AQP4: variants seen among roughly 807,000 people sequenced by gnomAD.
AQP4 encodes the protein aquaporin-4.
In AQP4, 18 loss-of-function variants were observed where a neutral mutation model predicts 27.8. That is an observed-to-expected ratio of 0.65 (90% CI 0.45 to 0.96). The LOEUF is 0.96. Among genes scored for constraint, AQP4 ranks in the 40% least tolerant of loss-of-function variants. The probability of loss-of-function intolerance (pLI) is 0.00; values close to 1 mark genes in which losing one functional copy is unlikely to be tolerated. For synonymous variants in AQP4, 141 were observed against 142.9 expected (o/e 0.99, Z 0.10); for missense variants, 412 against 408.2 (o/e 1.01, Z -0.08).
intron 4 of AQP4, among the ~76,000 whole-genome samples, chr18:26,858,569 G>T (rs180977188): frequency 1.3e-5 from 2 of 152,306 alleles, no homozygotes; most frequent in African/African-American, 4.8e-5. Flanking sequence ...ACCCATATGA[G>T]CCTTTATCTT....
At chr18:26,858,858 T>C (rs1436738394) in intron 4 of AQP4, among the ~76,000 whole-genome samples, 2 of 152,160 alleles carry the variant, frequency 1.3e-5, no homozygotes, top group African/African-American at 4.8e-5. Flanking sequence ...ATCTAGAAAA[T>C]GTGTAAAAGT....
At position 26,860,855 on chromosome 18, in the gene AQP4, A is replaced by G. The variant is rs765696553; in HGVS notation, c.613-3T>C. Reference sequence around the variant, plus strand: ...ATGCTGGCACCAGTATAATTGATCTATAGGAAACAAGAAAACAACTTCAGA... The same window carrying G: ...ATGCTGGCACCAGTATAATTGATCTGTAGGAAACAAGAAAACAACTTCAGA... On this transcript the variant is annotated splice_polypyrimidine_tract_variant and splice_region_variant and intron_variant, in intron 3 of 4. Transcript: ENST00000383168. 9.3e-6 allele frequency: 15 copies of G among 1,613,704 alleles called. No homozygotes were observed. The highest frequency in any genetic ancestry group is 1.3e-5 in the Non-Finnish European group (15 of 1,179,700).
intron 1 of AQP4, among the ~76,000 whole-genome samples, chr18:26,865,087 A>G (rs891599322): frequency 4.0e-5 from 6 of 151,448 alleles, no homozygotes; most frequent in African/African-American, 7.3e-5. Flanking sequence ...TCCAAGGCAG[A>G]TGGACCAGCC....
chr18:26,862,309 G>T lies in AQP4; in HGVS notation c.320C>A (p.Thr107Asn). Residue 107 changes from threonine (T) to asparagine (N), a missense_variant, in exon 2 of 5, where the codon ACC (threonine) becomes AAC (asparagine). Physicochemically the swap from Thr to Asn is moderately conservative, Grantham distance 65. Transcript: ENST00000383168. The part of the protein sequence containing the change: ...NPAVTVAMVC[T>N]RKISIAKSVF... ...AGACTTGGCGATGCTGATCTTCCTG[G>T]TGCACACCATGGCCACAGTCACTGC... is the stretch of plus-strand genomic sequence containing the variant. The T allele has an allele frequency of 1.2e-6, 2 of 1,614,188 alleles. No homozygotes were observed. Among genetic ancestry groups the T allele is most frequent in the Non-Finnish European group, 1.7e-6 (2 of 1,180,030 alleles).
chr18:26,862,626 G>A (rs770717960), intron 1 of AQP4, 30 bp from the exon 2 acceptor site: 1 of 1,613,570 alleles, frequency 6.2e-7, no homozygotes, highest in African/African-American at 1.3e-5. Flanking sequence ...AGCATCAGAA[G>A]CCACTACACC....
intron 1 of AQP4, 120 bp downstream of exon 1, chr18:26,865,538 C>T (rs2055044002): frequency 1.6e-6 from 2 of 1,272,680 alleles, no homozygotes; most frequent in Admixed American, 1.7e-5. Context: ...AAAGAACCAC[C>T]CACCTGCCCT....
chr18:26,856,840 T>A (rs557072117), intron 4 of AQP4, among the ~76,000 whole-genome samples: 6 of 152,184 alleles, frequency 3.9e-5, no homozygotes, highest in South Asian at 2.1e-4. Context: ...AAAAAAAAAA[T>A]TTCTGGAGAG....
At position 26,854,088 on chromosome 18, in the gene AQP4, A is replaced by G. The variant is rs975544668; in HGVS notation, c.*2123T>C. 1 of 152,228 alleles carries G rather than the reference A, an allele frequency of 6.6e-6. No homozygotes were observed. Among genetic ancestry groups the G allele is most frequent in the African/African-American group, 2.4e-5 (1 of 41,456 alleles). The allele number at this position is 152,228 out of a possible 1,614,324, so 9.4% of individuals were successfully genotyped here. On this transcript the variant is annotated 3_prime_UTR_variant, in exon 5 of 5. Coordinates refer to ENST00000383168, the MANE Select transcript of AQP4 (RefSeq NM_001650.7). ...GCTCTCTGCTAGCTACTAGAAAACAAATTACAAAAACACCATTCACTTTTC... is the reference window on the plus strand; with the variant it reads ...GCTCTCTGCTAGCTACTAGAAAACAGATTACAAAAACACCATTCACTTTTC...
chr18:26,861,351 T>G, intron 2 of AQP4, 56 bp from the exon 3 acceptor site: 1 of 1,539,510 alleles, frequency 6.5e-7, no homozygotes, highest in South Asian at 1.1e-5. Flanking sequence ...TCGATGACAA[T>G]GTATTAATAT....
At position 26,865,707 on chromosome 18, in the gene AQP4, T is replaced by C. The variant is rs1360383428; in HGVS notation, c.-18A>G. ...TCACTCATGCCTTCCCCAGCCAGAG[T>C]GCAGCTCTCATTGCCTGCCCCGCAG... On this transcript the variant is annotated 5_prime_UTR_variant, in exon 1 of 5. Coordinates refer to ENST00000383168, the MANE Select transcript of AQP4 (RefSeq NM_001650.7). 8.7e-6 allele frequency: 14 copies of C among 1,614,020 alleles called. No individual in the cohort carries two copies. Among genetic ancestry groups the C allele is most frequent in the Non-Finnish European group, 1.2e-5 (14 of 1,180,032 alleles).
At chr18:26,858,277 A>C (rs1167195992) in intron 4 of AQP4, among the ~76,000 whole-genome samples, 1 of 152,154 alleles carries the variant, frequency 6.6e-6, no homozygotes, top group Non-Finnish European at 1.5e-5. Context: ...TGTCTCAAAA[A>C]AAAGAAAAAA....
At position 26,862,224 on chromosome 18, in the gene AQP4, C is replaced by G. The variant is rs760933830; in HGVS notation, c.405G>C (p.Leu135=). Residue 135 remains leucine, a synonymous_variant, in exon 2 of 5, where the codon CTG becomes CTC. Coordinates refer to ENST00000383168, the MANE Select transcript of AQP4 (RefSeq NM_001650.7). ...CTCCCACCACACTGGGAGGTGTGACCAGATAGAGGATTCCTGCTCCAATGA... is the reference window on the plus strand; with the variant it reads ...CTCCCACCACACTGGGAGGTGTGACGAGATAGAGGATTCCTGCTCCAATGA... The part of the protein sequence containing the change: ...GAIIGAGILY[L]VTPPSVVGGL... The G allele has an allele frequency of 1.2e-6, 2 of 1,614,080 alleles. No homozygotes were observed. The highest frequency in any genetic ancestry group is 1.1e-5 in the South Asian group (1 of 91,072).
chr18:26,861,334 A>G, intron 2 of AQP4, 39 bp from the exon 3 acceptor site: 2 of 1,587,264 alleles, frequency 1.3e-6, no homozygotes, highest in African/African-American at 2.7e-5. Context: ...TTGAAGCAAG[A>G]GTATTTTCGA....
intron 4 of AQP4, among the ~76,000 whole-genome samples, chr18:26,857,978 C>T (rs2144955120): frequency 6.6e-6 from 1 of 152,224 alleles, no homozygotes; most frequent in African/African-American, 2.4e-5. Context: ...GACTTCAAAC[C>T]TCTCATTTGA....
At position 26,862,424 on chromosome 18, in the gene AQP4, C is replaced by T; in HGVS notation, c.205G>A (p.Asp69Asn). Residue 69 changes from aspartate (D) to asparagine (N), a missense_variant, in exon 2 of 5, where the codon GAC (aspartate) becomes AAC (asparagine). By Grantham distance (23) the Asp-to-Asn change is conservative. Transcript: ENST00000383168. The part of the protein sequence containing the change: ...WGGTEKPLPV[D>N]MVLISLCFGL... ...AAGCAAAGGGAGATGAGAACCATGT[C>T]GACCGGTAAAGGCTTTTCTGTTCCA... The T allele has an allele frequency of 6.2e-7, 1 of 1,614,178 alleles. No individual in the cohort carries two copies. The highest frequency in any genetic ancestry group is 8.5e-7 in the Non-Finnish European group (1 of 1,180,030).
chr18:26,854,038 G>T lies in AQP4; in HGVS notation c.*2173C>A, dbSNP rs908656070. 6.6e-6 allele frequency: 1 copy of T among 152,072 alleles called. No individual in the cohort carries two copies. Among genetic ancestry groups the T allele is most frequent in the East Asian group, 1.9e-4 (1 of 5,194 alleles). The allele number at this position is 152,072 out of a possible 1,614,324, so 9.4% of individuals were successfully genotyped here. A position where few individuals can be genotyped will look rare whatever the true frequency, so the allele number is the denominator to read the frequency against. On this transcript the variant is annotated 3_prime_UTR_variant, in exon 5 of 5. Coordinates refer to ENST00000383168, the MANE Select transcript of AQP4 (RefSeq NM_001650.7). ...TATATTTTTATTAATTAACACACTTGTTTTGAATACATACTATGTGCCAGG... is the reference window on the plus strand; with the variant it reads ...TATATTTTTATTAATTAACACACTTTTTTTGAATACATACTATGTGCCAGG...
rs759368377 is a variant in AQP4 at position 26,856,320 on chromosome 18, T to G, written c.863A>C (p.Glu288Ala). 1 of 1,614,228 alleles carries G rather than the reference T, an allele frequency of 6.2e-7. No homozygotes were observed. Among genetic ancestry groups the G allele is most frequent in the Admixed American group, 1.7e-5 (1 of 60,036 alleles). Residue 288 changes from glutamate to alanine, a missense_variant, in exon 5 of 5, where the codon GAG becomes GCG. Transcript: ENST00000383168. ...MEVEDNRSQVETDDLILKPGV... is the reference protein window; with the variant it reads ...MEVEDNRSQVATDDLILKPGV... ...AGGTTTTAGAATCAGGTCATCCGTC[T>G]CTACCTGACTCCTGTTGTCCTCCAC...
At chr18:26,865,380 A>T in intron 1 of AQP4, 1 of 554,388 alleles carries the variant, frequency 1.8e-6, no homozygotes, top group Non-Finnish European at 3.2e-6. Flanking sequence ...TTTTCCGAAG[A>T]AATGTACTAT....
rs2054767749 is a variant in AQP4, at chr18:26,852,440, G to A, written c.*3771C>T. 6.0e-6 allele frequency: 1 copy of A among 166,986 alleles called. No homozygotes were observed. The highest frequency in any genetic ancestry group is 2.4e-5 in the African/African-American group (1 of 42,152). 10.3% of individuals were successfully genotyped at this position (166,986 alleles called of 1,614,324 possible). On this transcript the variant is annotated 3_prime_UTR_variant, in exon 5 of 5. Transcript: ENST00000383168. ...TAGCTCTTCGATTTTTTTTAAACAT[G>A]AGTGAGTCACACTGTAACTGCTCTT...
Sources: gnomAD v4.1 joint callset for allele counts (sites outside exome capture counted in the v4.1 genomes callset) on GRCh38, gnomAD v4.1.1 for gene constraint, MANE v1.5 for transcripts, NCBI Gene and HGNC (gene_info 2026-07-23, HGNC 2026-07-21) for gene names.